Variants in AMER1 observed in about 807,000 individuals in gnomAD.
AMER1 encodes APC membrane recruitment protein 1.
In AMER1, 16 loss-of-function variants were observed where a neutral mutation model predicts 53.0. The ratio of observed to expected loss-of-function variants is 0.30; its 90% CI spans 0.20 to 0.46. The LOEUF is 0.46. AMER1 is among the 20% of genes least tolerant of loss of function. The pLI is 1.00. For missense variants in AMER1, 947 were observed against 884.9 expected, an observed-to-expected ratio of 1.07 and a Z score of -0.89; for synonymous variants, 354 against 331.9, an observed-to-expected ratio of 1.07 and a Z score of -0.73.
chrX:64,204,349 A>C (rs1466246501), intron 1 of AMER1, among the ~76,000 whole-genome samples: 1 of 114,030 alleles, frequency 8.8e-6, no homozygotes, highest in Non-Finnish European at 1.9e-5. Context: ...TGCCGAAAGC[A>C]GCCTGGCCAA....
intron 1 of AMER1, among the ~76,000 whole-genome samples, chrX:64,205,292 C>T (rs1302073011): frequency 1.8e-5 from 2 of 111,040 alleles, no homozygotes; most frequent in South Asian, 3.8e-4. Flanking sequence ...CCCCGCCCCC[C>T]CGAAAGCCGG....
rs755983037 is a variant in AMER1 at position 64,192,748 on chromosome X, C to T, written c.539G>A (p.Arg180Gln). The T allele has an allele frequency of 7.5e-6, 9 of 1,203,723 alleles. No homozygotes were observed. Among genetic ancestry groups the T allele is most frequent in the East Asian group, 5.9e-5 (2 of 33,752 alleles). Residue 180 changes from arginine (R) to glutamine (Q), a missense_variant, in exon 2 of 2, where the codon CGG (arginine) becomes CAG (glutamine). Arg to Gln is a conservative substitution (Grantham distance 43). Coordinates refer to ENST00000374869, the MANE Select transcript of AMER1 (RefSeq NM_152424.4). ...CTCAGCCCCAGTGACCTTGCTCTTC[C>T]GGTGACGGCGGATACTGCTAAAAAA... ...KGFFSSIRRH[R>Q]KSKVTGAEQS...
rs1261702050 is a variant in AMER1, at chrX:64,185,959, A to C, written c.*3920T>G. 6.4e-6 allele frequency: 3 copies of C among 465,203 alleles called. No homozygotes were observed. The highest frequency in any genetic ancestry group is 1.0e-5 in the Non-Finnish European group (3 of 288,365). The allele number at this position is 465,203 out of a possible 1,213,427, so 38.3% of individuals were successfully genotyped here. A position where few individuals can be genotyped will look rare whatever the true frequency, so the allele number is the denominator to read the frequency against. ...TCCTTTGGAGAAACTCAACAAGACA[A>C]ATAGCACAACATGGGCACTCTGATT... is the stretch of plus-strand genomic sequence containing the variant. On this transcript the variant is annotated 3_prime_UTR_variant, in exon 2 of 2. Coordinates refer to ENST00000374869, the MANE Select transcript of AMER1 (RefSeq NM_152424.4).
At chrX:64,199,830 T>A (rs1286060524) in intron 1 of AMER1, among the ~76,000 whole-genome samples, 1 of 112,558 alleles carries the variant, frequency 8.9e-6, no homozygotes, top group Admixed American at 9.3e-5. Flanking sequence ...GCCTACAGGA[T>A]AAGGGCCAAA....
At chrX:64,197,700 G>A (rs1376338482) in intron 1 of AMER1, among the ~76,000 whole-genome samples, 1 of 112,345 alleles carries the variant, frequency 8.9e-6, no homozygotes, top group Non-Finnish European at 1.9e-5. Context: ...GTTGGGGAGG[G>A]TTGGTTAAAG....
rs2147085355 is a variant in AMER1 at position 64,190,521 on chromosome X, C to T, written c.2766G>A (p.Gln922=). Residue 922 remains glutamine (Q), a synonymous_variant, in exon 2 of 2, where the codon CAG becomes CAA. Coordinates refer to ENST00000374869, the MANE Select transcript of AMER1 (RefSeq NM_152424.4). The part of the protein sequence containing the change: ...VQGYLESDEL[Q]AQQEDSDEED... Reference sequence around the variant, plus strand: ...CCTCATCTGAATCTTCCTGCTGGGCCTGCAGCTCATCAGACTCGAGGTAGC... The same window carrying T: ...CCTCATCTGAATCTTCCTGCTGGGCTTGCAGCTCATCAGACTCGAGGTAGC... 8.3e-7 allele frequency: 1 copy of T among 1,212,091 alleles called. No homozygotes were observed. The highest frequency in any genetic ancestry group is 1.1e-6 in the Non-Finnish European group (1 of 895,620).
rs1205241247 is a variant in AMER1 at position 64,189,514 on chromosome X, G to GTGTGTGTGTATATATATA, written c.*364_*365insTATATATATACACACACA. Reference sequence around the variant, plus strand: ...TGTGTGTGTGTGTGTGTGTGTGTGTGTATATATATATATATATATATATAT... The same window carrying GTGTGTGTGTATATATATA: ...TGTGTGTGTGTGTGTGTGTGTGTGTGTGTGTGTGTATATATATATATATATATATATATATATATATAT... On this transcript the variant is annotated 3_prime_UTR_variant, in exon 2 of 2. Transcript: ENST00000374869. 3.6e-5 allele frequency: 1 copy of GTGTGTGTGTATATATATA among 28,073 alleles called. No homozygotes were observed. Among genetic ancestry groups the GTGTGTGTGTATATATATA allele is most frequent in the African/African-American group, 1.7e-4 (1 of 5,950 alleles). The allele number at this position is 28,073 out of a possible 1,213,427, so 2.3% of individuals were successfully genotyped here.
At position 64,190,333 on chromosome X, in the gene AMER1, C is replaced by A. The variant is rs1187930100; in HGVS notation, c.2954G>T (p.Ser985Ile). 8.3e-7 allele frequency: 1 copy of A among 1,211,484 alleles called. No individual in the cohort carries two copies. The highest frequency in any genetic ancestry group is 1.1e-6 in the Non-Finnish European group (1 of 895,312). Residue 985 changes from serine to isoleucine, a missense_variant, in exon 2 of 2, where the codon AGC becomes ATC. By Grantham distance (142) the Ser-to-Ile change is moderately radical. Transcript: ENST00000374869. ...ISPNQLDRPS[S>I]QSPYRQATCC... ...GGTTGCCTGCCTATATGGAGACTGG[C>A]TGGAAGGCCTGTCCAACTGGTTGGG...
In AMER1 at chrX:64,189,464, TTGTGTGTG is replaced by T; in HGVS notation, c.*407_*414del. 1 of 706,290 alleles carries T rather than the reference TTGTGTGTG, an allele frequency of 1.4e-6. No individual in the cohort carries two copies. The highest frequency in any genetic ancestry group is 1.6e-6 in the Non-Finnish European group (1 of 612,927). 58.2% of individuals were successfully genotyped at this position (706,290 alleles called of 1,213,427 possible). ...GCTATATATGTGTGTGCATGTGTGT[TTGTGTGTG>T]TGTGTGTATGTATGTGTGTGTGTGT... is the stretch of plus-strand genomic sequence containing the variant. On this transcript the variant is annotated 3_prime_UTR_variant, in exon 2 of 2. Transcript: ENST00000374869.
In AMER1 at chrX:64,191,117, T is replaced by C. The variant is rs1347636416; in HGVS notation, c.2170A>G (p.Ser724Gly). 8.2e-7 allele frequency: 1 copy of C among 1,212,157 alleles called. No homozygotes were observed. The highest frequency in any genetic ancestry group is 1.1e-6 in the Non-Finnish European group (1 of 895,618). Residue 724 changes from serine to glycine, a missense_variant, in exon 2 of 2, where the codon AGT becomes GGT. Ser to Gly is a moderately conservative substitution (Grantham distance 56, BLOSUM62 0). Coordinates refer to ENST00000374869, the MANE Select transcript of AMER1 (RefSeq NM_152424.4). ...ATGTCTGGCTCAAACATGGCATCAC[T>C]CTGGAAGAGCTGCATCAGGCAGGTA... is the stretch of plus-strand genomic sequence containing the variant. ...QSTCLMQLFQ[S>G]DAMFEPDMQE...
At chrX:64,196,815 C>G (rs1197516934) in intron 1 of AMER1, among the ~76,000 whole-genome samples, 2 of 111,663 alleles carry the variant, frequency 1.8e-5, no homozygotes, top group Non-Finnish European at 3.8e-5. Flanking sequence ...TCTCCCAGAG[C>G]CATGTCCCCC....
In AMER1 at chrX:64,190,830, T is replaced by C. The variant is rs2147086046; in HGVS notation, c.2457A>G (p.Glu819=). The C allele has an allele frequency of 8.3e-7, 1 of 1,211,692 alleles. No individual in the cohort carries two copies. Among genetic ancestry groups the C allele is most frequent in the Non-Finnish European group, 1.1e-6 (1 of 895,460 alleles). Residue 819 remains glutamate (E), a synonymous_variant, in exon 2 of 2, where the codon GAA becomes GAG. Transcript: ENST00000374869. ...FDIADVERDG[E]GKCEENPEFH... is the part of the protein sequence containing the mutation. ...ACTCAGGATTCTCTTCACACTTGCCTTCCCCATCCCGTTCCACATCAGCGA... is the reference window on the plus strand; with the variant it reads ...ACTCAGGATTCTCTTCACACTTGCCCTCCCCATCCCGTTCCACATCAGCGA...
chrX:64,192,707 C>G lies in AMER1; in HGVS notation c.580G>C (p.Ala194Pro), dbSNP rs761582333. The G allele has an allele frequency of 8.4e-7, 1 of 1,184,434 alleles. No homozygotes were observed. Among genetic ancestry groups the G allele is most frequent in the African/African-American group, 1.8e-5 (1 of 56,856 alleles). ...VTGAEQSEPGAKGPERVRARP... is the reference protein window; with the variant it reads ...VTGAEQSEPGPKGPERVRARP... ...GCTCTGACCCTCTCAGGCCCCTTGG[C>G]CCCTGGCTCACTTTGCTCAGCCCCA... The change falls in exon 2 of 2, where the codon GCC (alanine) becomes CCC (proline). Residue 194 changes from alanine (A) to proline (P), a missense_variant. Ala to Pro is a conservative substitution (Grantham distance 27, BLOSUM62 -1). Transcript: ENST00000374869.
intron 1 of AMER1, among the ~76,000 whole-genome samples, chrX:64,200,793 C>T (rs1055627025): frequency 1.8e-5 from 2 of 111,866 alleles, no homozygotes; most frequent in Admixed American, 9.4e-5. Context: ...TCACTCCTTA[C>T]ACCACCCCTC....
chrX:64,204,138 G>T (rs748805574), intron 1 of AMER1, among the ~76,000 whole-genome samples: 1 of 112,902 alleles, frequency 8.9e-6, no homozygotes, highest in African/African-American at 3.2e-5. Context: ...GCACCATGGT[G>T]CAGTGACTGT....
chrX:64,189,793 A>ACCACCCCCCC lies in AMER1; in HGVS notation c.*85_*86insGGGGGGGTGG. On this transcript the variant is annotated 3_prime_UTR_variant, in exon 2 of 2. Transcript: ENST00000374869. ...CAAAGGGTTTTCAAGTTAAACAACA[A>ACCACCCCCCC]CCCCCACCCCCCCACCCTTCTGCCC... is the stretch of plus-strand genomic sequence containing the variant. The ACCACCCCCCC allele has an allele frequency of 1.4e-5, 4 of 292,072 alleles. No individual in the cohort carries two copies. The highest frequency in any genetic ancestry group is 1.3e-4 in the South Asian group (2 of 15,354). 24.1% of individuals were successfully genotyped at this position (292,072 alleles called of 1,213,427 possible).
In AMER1 at chrX:64,193,312, C is replaced by A. The variant is rs2147091613; in HGVS notation, c.-26G>T. 1 of 1,211,250 alleles carries A rather than the reference C, an allele frequency of 8.3e-7. No homozygotes were observed. The highest frequency in any genetic ancestry group is 1.1e-6 in the Non-Finnish European group (1 of 895,532). ...GATGATGGGGACAACTGAGGTACGTCCAGCTGGAAATGCAGCCTCAGGCTT... is the reference window on the plus strand; with the variant it reads ...GATGATGGGGACAACTGAGGTACGTACAGCTGGAAATGCAGCCTCAGGCTT... On this transcript the variant is annotated 5_prime_UTR_variant, in exon 2 of 2. Coordinates refer to ENST00000374869, the MANE Select transcript of AMER1 (RefSeq NM_152424.4).
At position 64,185,843 on chromosome X, in the gene AMER1, T is replaced by C. The variant is rs1419653418; in HGVS notation, c.*4036A>G. The stretch of plus-strand genomic sequence containing the variant: ...TAAATTCCTGATAGTGCAAGCATCA[T>C]TGTCATCTGTCTCCCACAGCTTCTT... On this transcript the variant is annotated 3_prime_UTR_variant, in exon 2 of 2. Coordinates refer to ENST00000374869, the MANE Select transcript of AMER1 (RefSeq NM_152424.4). 1.4e-5 allele frequency: 4 copies of C among 290,942 alleles called. No individual in the cohort carries two copies. Among genetic ancestry groups the C allele is most frequent in the Non-Finnish European group, 2.4e-5 (4 of 163,395 alleles). 24.0% of individuals were successfully genotyped at this position (290,942 alleles called of 1,213,427 possible). A position where few individuals can be genotyped will look rare whatever the true frequency, so the allele number is the denominator to read the frequency against.
chrX:64,192,980 C>T lies in AMER1; in HGVS notation c.307G>A (p.Ala103Thr), dbSNP rs944950970. The T allele has an allele frequency of 2.5e-6, 3 of 1,211,934 alleles. No homozygotes were observed. The highest frequency in any genetic ancestry group is 2.2e-5 in the Admixed American group (1 of 46,067). ...SKTHDGLSEA[A>T]HGPEDVVSEG... ...CTGACAACATCTTCAGGGCCATGGG[C>T]TGCTTCACTCAGGCCATCGTGGGTC... is the stretch of plus-strand genomic sequence containing the variant. Residue 103 changes from alanine (A) to threonine (T), a missense_variant, in exon 2 of 2, where the codon GCC becomes ACC. Ala to Thr is a moderately conservative substitution (Grantham distance 58). Transcript: ENST00000374869.
Sources: allele counts gnomAD v4.1 joint callset (sites outside exome capture counted in the v4.1 genomes callset), GRCh38; gene constraint gnomAD v4.1.1; transcripts MANE v1.5; gene names NCBI Gene and HGNC (gene_info 2026-07-23, HGNC 2026-07-21).